The following SSTR4 variants were observed in gnomAD, a reference collection of about 807,000 sequenced individuals.
SSTR4 encodes somatostatin receptor 4, also known as somatostatin receptor type 4.
For missense variants in SSTR4, 649 were observed against 540.6 expected, an observed-to-expected ratio of 1.20 and a Z score of -1.99; for synonymous variants, 272 against 246.3, an observed-to-expected ratio of 1.10 and a Z score of -0.98.
At position 23,036,610 on chromosome 20, in the gene SSTR4, G is replaced by A; in HGVS notation, c.1127G>A (p.Gly376Asp). ...CAGGAAGCCCTGCAACCAGAACCCG[G>A]CCGCAAGCGCATCCCCCTCACCAGG... Reference protein sequence around the residue: ...CQQEALQPEPGRKRIPLTRTT... With the variant: ...CQQEALQPEPDRKRIPLTRTT... The change falls in exon 1 of 1, where the codon GGC (glycine) becomes GAC (aspartate). Residue 376 changes from glycine to aspartate, a missense_variant. Physicochemically the swap from Gly to Asp is moderately conservative, Grantham distance 94. Transcript: ENST00000255008. The A allele has an allele frequency of 6.4e-7, 1 of 1,572,652 alleles. No homozygotes were observed. The highest frequency in any genetic ancestry group is 8.6e-7 in the Non-Finnish European group (1 of 1,160,542).
Position 23,036,855 on chromosome 20 carries a change from T to C in SSTR4, c.*205T>C, listed in dbSNP as rs1463048631. On this transcript the variant is annotated 3_prime_UTR_variant, in exon 1 of 1. Transcript: ENST00000255008. ...TCTGGCTTTCAAAAGGATGCTTCCA[T>C]ATGGGTAGGACTCCTCTGGAAACTG... is the stretch of plus-strand genomic sequence containing the variant. The C allele has an allele frequency of 1.1e-5, 6 of 562,842 alleles. No homozygotes were observed. The highest frequency in any genetic ancestry group is 7.3e-5 in the Admixed American group (2 of 27,366). The allele number at this position is 562,842 out of a possible 1,614,324, so 34.9% of individuals were successfully genotyped here.
At position 23,036,180 on chromosome 20, in the gene SSTR4, C is replaced by A. The variant is rs781457218; in HGVS notation, c.697C>A (p.Leu233Ile). Residue 233 changes from leucine (L) to isoleucine (I), a missense_variant, in exon 1 of 1, where the codon CTC becomes ATC. Physicochemically the swap from Leu to Ile is conservative, Grantham distance 5. Coordinates refer to ENST00000255008, the MANE Select transcript of SSTR4 (RefSeq NM_001052.4). ...GCTGGCCATTGGCCTGTGCTACCTGCTCATCGTGGGCAAGATGCGCGCCGT... is the reference window on the plus strand; with the variant it reads ...GCTGGCCATTGGCCTGTGCTACCTGATCATCGTGGGCAAGATGCGCGCCGT... ...PVLAIGLCYLLIVGKMRAVAL... is the reference protein window; with the variant it reads ...PVLAIGLCYLIIVGKMRAVAL... 1 of 1,611,320 alleles carries A rather than the reference C, an allele frequency of 6.2e-7. No individual in the cohort carries two copies. Among genetic ancestry groups the A allele is most frequent in the South Asian group, 1.1e-5 (1 of 90,984 alleles).
Position 23,036,007 on chromosome 20 carries a change from T to C in SSTR4, c.524T>C (p.Leu175Pro). 1 of 1,595,612 alleles carries C rather than the reference T, an allele frequency of 6.3e-7. No homozygotes were observed. Among genetic ancestry groups the C allele is most frequent in the Non-Finnish European group, 8.5e-7 (1 of 1,175,260 alleles). The change falls in exon 1 of 1, where the codon CTG becomes CCG. Residue 175 changes from leucine (L) to proline (P), a missense_variant. Transcript: ENST00000255008. ...AACCTGGGCGTGTGGCTGGCATCCC[T>C]GTTGGTCACTCTCCCCATCGCCATC... The part of the protein sequence containing the change: ...LINLGVWLAS[L>P]LVTLPIAIFA...
rs1984319325 is a variant in SSTR4, at chr20:23,036,263, G to C, written c.780G>C (p.Leu260=). 2 of 1,614,198 alleles carry C rather than the reference G, an allele frequency of 1.2e-6. No homozygotes were observed. Among genetic ancestry groups the C allele is most frequent in the African/African-American group, 1.3e-5 (1 of 75,066 alleles). ...RRRSEKKITR[L]VLMVVVVFVL... ...GCTCGGAGAAGAAAATCACCAGGCT[G>C]GTGCTGATGGTCGTGGTCGTCTTTG... is the stretch of plus-strand genomic sequence containing the variant. Residue 260 remains leucine (L), a synonymous_variant, in exon 1 of 1, where the codon CTG becomes CTC. Transcript: ENST00000255008.
chr20:23,038,862 G>A lies in SSTR4; in HGVS notation c.*2212G>A, dbSNP rs928436477. ...AGTCATAAGTCATGCAGGTGGTGGC[G>A]GGGTGGGGGTGTAGGGTGAGCCTAC... On this transcript the variant is annotated 3_prime_UTR_variant, in exon 1 of 1. Coordinates refer to ENST00000255008, the MANE Select transcript of SSTR4 (RefSeq NM_001052.4). The A allele has an allele frequency of 1.8e-4, 27 of 152,256 alleles. No individual in the cohort carries two copies. The highest frequency in any genetic ancestry group is 6.3e-4 in the African/African-American group (26 of 41,446). The allele number at this position is 152,256 out of a possible 1,614,324, so 9.4% of individuals were successfully genotyped here. A position where few individuals can be genotyped will look rare whatever the true frequency, so the allele number is the denominator to read the frequency against.
At position 23,037,250 on chromosome 20, in the gene SSTR4, G is replaced by T. The variant is rs1055521657; in HGVS notation, c.*600G>T. On this transcript the variant is annotated 3_prime_UTR_variant, in exon 1 of 1. Coordinates refer to ENST00000255008, the MANE Select transcript of SSTR4 (RefSeq NM_001052.4). ...CAGGTGTCTCCCTGAGTTGCCCTGA[G>T]CTGGGAGCAGTCTTCCTGTGAGTAG... The T allele has an allele frequency of 6.6e-6, 1 of 152,644 alleles. No homozygotes were observed. The highest frequency in any genetic ancestry group is 1.9e-4 in the East Asian group (1 of 5,178). The allele number at this position is 152,644 out of a possible 1,614,324, so 9.5% of individuals were successfully genotyped here.
chr20:23,037,785 A>G lies in SSTR4; in HGVS notation c.*1135A>G, dbSNP rs890582322. 6.6e-6 allele frequency among the ~76,000 whole-genome samples: 1 copy of G among 152,220 alleles called. No homozygotes were observed. The highest frequency in any genetic ancestry group is 1.9e-4 in the East Asian group (1 of 5,190). ...ATGTTAGCATCTGGTGTAACAACAT[A>G]GGAACATGTATGAAGTTTGGGGGAC... On this transcript the variant is annotated 3_prime_UTR_variant, in exon 1 of 1. Transcript: ENST00000255008.
chr20:23,038,003 T>C lies in SSTR4; in HGVS notation c.*1353T>C, dbSNP rs1984373614. On this transcript the variant is annotated 3_prime_UTR_variant, in exon 1 of 1. Coordinates refer to ENST00000255008, the MANE Select transcript of SSTR4 (RefSeq NM_001052.4). ...GGGTAGCCATGTCTGTACTACATAC[T>C]GGAGACATGACTGTGGAATGGAAGT... Among the ~76,000 whole-genome samples the C allele has an allele frequency of 6.6e-6, 1 of 152,104 alleles. No homozygotes were observed. Among genetic ancestry groups the C allele is most frequent in the African/African-American group, 2.4e-5 (1 of 41,414 alleles).
chr20:23,037,439 A>T lies in SSTR4; in HGVS notation c.*789A>T, dbSNP rs1395321241. On this transcript the variant is annotated 3_prime_UTR_variant, in exon 1 of 1. Coordinates refer to ENST00000255008, the MANE Select transcript of SSTR4 (RefSeq NM_001052.4). ...AGAACTCATTAAGGCAGCAATTTAT[A>T]CTGTGGTGGTGAGTGAGAGAGGAGC... 2 of 152,138 alleles carry T rather than the reference A, an allele frequency of 1.3e-5. No homozygotes were observed. Among genetic ancestry groups the T allele is most frequent in the Non-Finnish European group, 2.9e-5 (2 of 68,020 alleles). 9.4% of individuals were successfully genotyped at this position (152,138 alleles called of 1,614,324 possible).
rs1208621327 is a variant in SSTR4 at position 23,036,709 on chromosome 20, A to G, written c.*59A>G. 2 of 1,503,176 alleles carry G rather than the reference A, an allele frequency of 1.3e-6. No individual in the cohort carries two copies. The highest frequency in any genetic ancestry group is 2.3e-5 in the Admixed American group (1 of 43,958). The allele number at this position is 1,503,176 out of a possible 1,614,324, so 93.1% of individuals were successfully genotyped here. A position where few individuals can be genotyped will look rare whatever the true frequency, so the allele number is the denominator to read the frequency against. On this transcript the variant is annotated 3_prime_UTR_variant, in exon 1 of 1. Coordinates refer to ENST00000255008, the MANE Select transcript of SSTR4 (RefSeq NM_001052.4). ...CTCCCAAGGGGTGGGCACCATTCCTACAGCCCCGAAGACTGCATCTCCTGA... is the reference window on the plus strand; with the variant it reads ...CTCCCAAGGGGTGGGCACCATTCCTGCAGCCCCGAAGACTGCATCTCCTGA...
rs573971447 is a variant in SSTR4 at position 23,035,857 on chromosome 20, T to A, written c.374T>A (p.Val125Asp). 9 of 1,607,390 alleles carry A rather than the reference T, an allele frequency of 5.6e-6. No homozygotes were observed. In the Admixed American group the frequency reaches 1.2e-4, roughly 21 times the overall value. ...GTGCTGTGCCGCGCGGTGCTCAGCG[T>A]CGACGGCCTCAACATGTTCACCAGC... The part of the protein sequence containing the change: ...GSVLCRAVLS[V>D]DGLNMFTSVF... The change falls in exon 1 of 1, where the codon GTC becomes GAC. Residue 125 changes from valine to aspartate, a missense_variant. Coordinates refer to ENST00000255008, the MANE Select transcript of SSTR4 (RefSeq NM_001052.4).
chr20:23,035,610 C>T lies in SSTR4; in HGVS notation c.127C>T (p.Arg43Trp), dbSNP rs1453432849. The stretch of plus-strand genomic sequence containing the variant: ...GGCGGTGGCGGGGCCCGGGGACGCG[C>T]GGGCGGCGGGCATGGTCGCTATCCA... ...EEAVAGPGDA[R>W]AAGMVAIQCI... is the part of the protein sequence containing the mutation. The change falls in exon 1 of 1, where the codon CGG becomes TGG. Residue 43 changes from arginine (R) to tryptophan (W), a missense_variant. Physicochemically the swap from Arg to Trp is moderately radical, Grantham distance 101. Coordinates refer to ENST00000255008, the MANE Select transcript of SSTR4 (RefSeq NM_001052.4). 3 of 1,546,946 alleles carry T rather than the reference C, an allele frequency of 1.9e-6. No individual in the cohort carries two copies. The highest frequency in any genetic ancestry group is 2.6e-6 in the Non-Finnish European group (3 of 1,152,048).
Position 23,035,516 on chromosome 20 carries a change from C to A in SSTR4, c.33C>A (p.Gly11=). MSAPSTLPPG[G]EEGLGTAWPS... Reference sequence around the variant, plus strand: ...CCCCCTCGACGCTGCCCCCCGGGGGCGAGGAAGGGCTGGGGACGGCCTGGC... The same window carrying A: ...CCCCCTCGACGCTGCCCCCCGGGGGAGAGGAAGGGCTGGGGACGGCCTGGC... The change falls in exon 1 of 1, where the codon GGC becomes GGA. Residue 11 remains glycine (G), a synonymous_variant. Coordinates refer to ENST00000255008, the MANE Select transcript of SSTR4 (RefSeq NM_001052.4). The A allele has an allele frequency of 1.3e-6, 2 of 1,570,176 alleles. No individual in the cohort carries two copies. The highest frequency in any genetic ancestry group is 1.1e-5 in the South Asian group (1 of 87,432).
rs1445559635 is a variant in SSTR4, at chr20:23,035,688, A to G, written c.205A>G (p.Ile69Val). 4 of 1,552,278 alleles carry G rather than the reference A, an allele frequency of 2.6e-6. No individual in the cohort carries two copies. The South Asian group carries it at 5.0e-5, about 19-fold the overall frequency. Residue 69 changes from isoleucine (I) to valine (V), a missense_variant, in exon 1 of 1, where the codon ATC becomes GTC. By Grantham distance (29) the Ile-to-Val change is conservative. Transcript: ENST00000255008. ...LVGLVGNALVIFVILRYAKMK... is the reference protein window; with the variant it reads ...LVGLVGNALVVFVILRYAKMK... Reference sequence around the variant, plus strand: ...GGGGCTGGTGGGCAACGCCCTGGTCATCTTCGTGATCCTTCGCTACGCCAA... The same window carrying G: ...GGGGCTGGTGGGCAACGCCCTGGTCGTCTTCGTGATCCTTCGCTACGCCAA...
rs1485940045 is a variant in SSTR4, at chr20:23,036,049, C to T, written c.566C>T (p.Pro189Leu). The stretch of plus-strand genomic sequence containing the variant: ...ATCGCCATCTTCGCAGACACCAGAC[C>T]GGCTCGCGGCGGCCAGGCCGTGGCC... ...LPIAIFADTRPARGGQAVACN... is the reference protein window; with the variant it reads ...LPIAIFADTRLARGGQAVACN... Residue 189 changes from proline to leucine, a missense_variant, in exon 1 of 1, where the codon CCG (proline) becomes CTG (leucine). Physicochemically the swap from Pro to Leu is moderately conservative, Grantham distance 98 (BLOSUM62 -3). Coordinates refer to ENST00000255008, the MANE Select transcript of SSTR4 (RefSeq NM_001052.4). The T allele has an allele frequency of 1.3e-6, 2 of 1,573,888 alleles. No homozygotes were observed. The highest frequency in any genetic ancestry group is 1.7e-5 in the Admixed American group (1 of 57,824).
chr20:23,036,415 A>C lies in SSTR4; in HGVS notation c.932A>C (p.Tyr311Ser). ...AACAGCTGCGCCAACCCCATTCTCT[A>C]TGGCTTCCTCTCCGACAACTTCCGC... ...YANSCANPIL[Y>S]GFLSDNFRRF... Residue 311 changes from tyrosine (Y) to serine (S), a missense_variant, in exon 1 of 1, where the codon TAT becomes TCT. Tyr to Ser is a moderately radical substitution (Grantham distance 144). Transcript: ENST00000255008. 1.9e-6 allele frequency: 3 copies of C among 1,613,870 alleles called. No individual in the cohort carries two copies. Among genetic ancestry groups the C allele is most frequent in the Non-Finnish European group, 1.7e-6 (2 of 1,179,934 alleles).
Position 23,036,072 on chromosome 20 carries a change from G to T in SSTR4, c.589G>T (p.Ala197Ser), listed in dbSNP as rs751798397. Residue 197 changes from alanine (A) to serine (S), a missense_variant, in exon 1 of 1, where the codon GCC becomes TCC. Coordinates refer to ENST00000255008, the MANE Select transcript of SSTR4 (RefSeq NM_001052.4). ...ACCGGCTCGCGGCGGCCAGGCCGTG[G>T]CCTGCAACCTGCAGTGGCCACACCC... ...TRPARGGQAVACNLQWPHPAW... is the reference protein window; with the variant it reads ...TRPARGGQAVSCNLQWPHPAW... 4 of 1,590,608 alleles carry T rather than the reference G, an allele frequency of 2.5e-6. No individual in the cohort carries two copies. In the East Asian group the frequency reaches 8.9e-5, roughly 35 times the overall value.
rs371444791 is a variant in SSTR4 at position 23,035,619 on chromosome 20, G to C, written c.136G>C (p.Gly46Arg). 174 of 1,545,404 alleles carry C rather than the reference G, an allele frequency of 1.1e-4. No homozygotes were observed. Among genetic ancestry groups the C allele is most frequent in the Non-Finnish European group, 1.5e-4 (169 of 1,150,958 alleles). ...GGGGCCCGGGGACGCGCGGGCGGCGGGCATGGTCGCTATCCAGTGCATCTA... is the reference window on the plus strand; with the variant it reads ...GGGGCCCGGGGACGCGCGGGCGGCGCGCATGGTCGCTATCCAGTGCATCTA... ...VAGPGDARAA[G>R]MVAIQCIYAL... Residue 46 changes from glycine to arginine, a missense_variant, in exon 1 of 1, where the codon GGC (glycine) becomes CGC (arginine). Transcript: ENST00000255008.
Position 23,036,498 on chromosome 20 carries a change from G to T in SSTR4, c.1015G>T (p.Ala339Ser), listed in dbSNP as rs551071389. Residue 339 changes from alanine to serine, a missense_variant, in exon 1 of 1, where the codon GCT (alanine) becomes TCT (serine). Coordinates refer to ENST00000255008, the MANE Select transcript of SSTR4 (RefSeq NM_001052.4). ...CTGCCTCCTGGAAGGTGCTGGAGGT[G>T]CTGAGGAGGAGCCCCTGGACTACTA... ...RCCLLEGAGG[A>S]EEEPLDYYAT... The T allele has an allele frequency of 1.9e-6, 3 of 1,613,962 alleles. No individual in the cohort carries two copies. Among genetic ancestry groups the T allele is most frequent in the African/African-American group, 2.7e-5 (2 of 75,056 alleles).
Sources: gnomAD v4.1 joint callset for allele counts (sites outside exome capture counted in the v4.1 genomes callset) on GRCh38, gnomAD v4.1.1 for gene constraint, MANE v1.5 for transcripts, NCBI Gene and HGNC (gene_info 2026-07-23, HGNC 2026-07-21) for gene names.